UMODL1: variants seen among roughly 807,000 people sequenced by gnomAD.
UMODL1 encodes uromodulin like 1.
Under a neutral mutation model 136.3 loss-of-function variants are expected in UMODL1, and 128 were observed. The ratio of observed to expected loss-of-function variants is 0.94; its 90% CI spans 0.81 to 1.09. The LOEUF (loss-of-function observed/expected upper bound fraction) is 1.09, where lower values mean the gene tolerates loss of function less well. UMODL1 is among the 50% of genes least tolerant of loss of function. The pLI is 0.00. For missense variants in UMODL1, 1,766 were observed against 1,725.6 expected (o/e 1.02, Z -0.41); for synonymous variants, 721 against 720.0 (o/e 1.00, Z -0.02).
chr21:42,110,304 C>T (rs905445873), intron 10 of UMODL1, among the ~76,000 whole-genome samples: 19 of 152,198 alleles, frequency 1.2e-4, no homozygotes, highest in Admixed American at 2.6e-4. Context: ...CGGACACAGG[C>T]GTGGCAGAGG....
In UMODL1 at chr21:42,140,144, A is replaced by G. The variant is rs148375475; in HGVS notation, c.*22-1952A>G. Among the ~76,000 whole-genome samples the G allele has an allele frequency of 2.2e-3, 342 of 152,308 alleles. 1 individual carries two copies. The highest frequency in any genetic ancestry group is 7.9e-3 in the African/African-American group (329 of 41,570). On this transcript the variant is annotated intron_variant, in intron 22 of 22. Coordinates refer to ENST00000408910, the MANE Select transcript of UMODL1 (RefSeq NM_001004416.3). ...ATCTCAAGAAAATAAGGACCTGAGC[A>G]CAGGAAAGATGGGCTGGGCTGGAGA...
chr21:42,099,028 G>T lies in UMODL1; in HGVS notation c.1034G>T (p.Arg345Leu). The change falls in exon 7 of 23, where the codon CGG becomes CTG. Residue 345 changes from arginine to leucine, a missense_variant. Coordinates refer to ENST00000408910, the MANE Select transcript of UMODL1 (RefSeq NM_001004416.3). This position sits in a 1 kb window ranked among gnomAD's most constrained non-coding sequence, Gnocchi z 4.1. The stretch of plus-strand genomic sequence containing the variant: ...ACACAGAACCACACTTTCCATGTCC[G>T]GGTTTACCGGGGTATGGAGTTGCTC... ...NSTQNHTFHV[R>L]VYRGMELLRS... The T allele has an allele frequency of 6.2e-7, 1 of 1,614,186 alleles. No homozygotes were observed. Among genetic ancestry groups the T allele is most frequent in the Non-Finnish European group, 8.5e-7 (1 of 1,180,038 alleles).
At chr21:42,111,145 G>C in intron 11 of UMODL1, 24 bp downstream of exon 11, 1 of 1,595,996 alleles carries the variant, frequency 6.3e-7, no homozygotes, top group Middle Eastern at 1.7e-4. Context: ...CCCCGGGTCT[G>C]GGGATGGACC....
chr21:42,084,330 G>A (rs960239887), intron 3 of UMODL1, 85 bp downstream of exon 3: 7 of 1,462,048 alleles, frequency 4.8e-6, no homozygotes, highest in African/African-American at 1.4e-5. Context: ...GTGGGGGGGA[G>A]TGTGTTTCTA....
chr21:42,120,094 A>G (rs761009955), intron 15 of UMODL1, among the ~76,000 whole-genome samples: 2 of 152,266 alleles, frequency 1.3e-5, no homozygotes, highest in Non-Finnish European at 2.9e-5. Flanking sequence ...TGAATGACTA[A>G]CAAAGATGTG....
At chr21:42,082,521 G>A (rs1408971745) in intron 2 of UMODL1, among the ~76,000 whole-genome samples, 1 of 152,174 alleles carries the variant, frequency 6.6e-6, no homozygotes, top group Non-Finnish European at 1.5e-5. Flanking sequence ...TAAAGCCCCA[G>A]GGGGGCATGG....
chr21:42,140,193 G>T (rs763743892), intron 22 of UMODL1, among the ~76,000 whole-genome samples: 1 of 152,226 alleles, frequency 6.6e-6, no homozygotes, highest in African/African-American at 2.4e-5. Flanking sequence ...ACGAAGAGGG[G>T]GTGGGCTGAT....
At chr21:42,121,261 A>T in intron 16 of UMODL1, 37 bp downstream of exon 16, 1 of 1,575,302 alleles carries the variant, frequency 6.3e-7, no homozygotes, top group Non-Finnish European at 8.6e-7. Context: ...GGAATACTGT[A>T]TCATAATCGG....
chr21:42,103,464 G>A (rs1330685640), intron 8 of UMODL1: 1 of 359,560 alleles, frequency 2.8e-6, no homozygotes, highest in Non-Finnish European at 5.5e-6. Context: ...TAGTAAGAGG[G>A]GGGACAGCTC....
chr21:42,127,343 C>T (rs1279313954), intron 19 of UMODL1, 101 bp downstream of exon 19: 1 of 1,123,116 alleles, frequency 8.9e-7, no homozygotes, highest in Non-Finnish European at 1.3e-6. Context: ...CAGCAATGCC[C>T]AGGGCTTCAT....
In UMODL1 at chr21:42,122,730, G is replaced by A; in HGVS notation, c.2828-101G>A. 1 of 1,233,604 alleles carries A rather than the reference G, an allele frequency of 8.1e-7. No homozygotes were observed. The highest frequency in any genetic ancestry group is 1.1e-6 in the Non-Finnish European group (1 of 909,716). 76.4% of individuals were successfully genotyped at this position (1,233,604 alleles called of 1,614,324 possible). ...CATGCGGTTCCCAGGTGTGGCTGCT[G>A]CAGAGTGCAGGGCAGCTCCAGTCTG... On this transcript the variant is annotated intron_variant, in intron 16 of 22. Transcript: ENST00000408910. The surrounding 1 kb of genome is among the most constrained non-coding windows in gnomAD (Gnocchi z 4.3).
upstream of UMODL1, among the ~76,000 whole-genome samples, chr21:42,070,355 A>G (rs2066218920): frequency 6.6e-6 from 1 of 152,280 alleles, no homozygotes; most frequent in South Asian, 2.1e-4. Flanking sequence ...ACGGTGCAGT[A>G]TGAAAACATC....
intron 4 of UMODL1, 67 bp from the exon 5 acceptor site, chr21:42,088,227 C>T: frequency 6.5e-7 from 1 of 1,550,176 alleles, no homozygotes; most frequent in Non-Finnish European, 8.8e-7. Flanking sequence ...CTCTGCGGGC[C>T]TCAGTCTCCT....
At chr21:42,073,919 G>A (rs888074286) in intron 1 of UMODL1, among the ~76,000 whole-genome samples, 5 of 152,170 alleles carry the variant, frequency 3.3e-5, no homozygotes, top group African/African-American at 1.2e-4. Context: ...TTGAGTGTCT[G>A]AAATGCAAGC....
chr21:42,130,248 G>A (rs945519384), intron 21 of UMODL1, among the ~76,000 whole-genome samples: 8 of 152,080 alleles, frequency 5.3e-5, no homozygotes, highest in Admixed American at 6.5e-5. Context: ...GTGTGTGTGC[G>A]TGCACACGAA....
At chr21:42,097,679 AAT>A (rs1271564015) in intron 6 of UMODL1, among the ~76,000 whole-genome samples, 1 of 152,134 alleles carries the variant, frequency 6.6e-6, no homozygotes, top group African/African-American at 2.4e-5. Context: ...GGTTTTGCAA[AAT>A]ATATTTTTAA....
At chr21:42,086,753 G>A (rs1490914580) in intron 4 of UMODL1, 1 of 408,784 alleles carries the variant, frequency 2.4e-6, no homozygotes, top group East Asian at 7.2e-5. Flanking sequence ...ATCACTTGAG[G>A]TCAGGAGTTA....
chr21:42,108,330 A>G (rs1279406875), intron 9 of UMODL1: 1 of 527,330 alleles, frequency 1.9e-6, no homozygotes, highest in African/African-American at 1.9e-5. Flanking sequence ...CCCCAGGAAG[A>G]GGTGTGGGTT....
chr21:42,071,808 A>G (rs1028427934), intron 1 of UMODL1, among the ~76,000 whole-genome samples: 1 of 151,290 alleles, frequency 6.6e-6, no homozygotes, highest in Non-Finnish European at 1.5e-5. Context: ...ACCTTGGTGC[A>G]TTCAAGTCCT....
Sources: allele counts gnomAD v4.1 joint callset (sites outside exome capture counted in the v4.1 genomes callset), GRCh38; gene constraint gnomAD v4.1.1; non-coding constraint Gnocchi (gnomAD v3.1); transcripts MANE v1.5; gene names NCBI Gene and HGNC (gene_info 2026-07-23, HGNC 2026-07-21).